The following SGCZ variants were observed in gnomAD, a reference collection of about 807,000 sequenced individuals.
SGCZ encodes the protein sarcoglycan zeta, also known as zeta-sarcoglycan.
Under a neutral mutation model 41.3 loss-of-function variants are expected in SGCZ, and 40 were observed. The ratio of observed to expected loss-of-function variants is 0.97; its 90% CI spans 0.75 to 1.26. SGCZ has a LOEUF of 1.26. Ranked by LOEUF, SGCZ falls within the 50% of genes most tolerant of loss-of-function variation. The pLI, the probability that SGCZ is intolerant of heterozygous loss-of-function variation, is 0.00. For missense variants in SGCZ, 552 were observed against 369.8 expected, an observed-to-expected ratio of 1.49 and a Z score of -4.04; for synonymous variants, 206 against 137.5, an observed-to-expected ratio of 1.50 and a Z score of -3.49.
intron 1 of SGCZ, among the ~76,000 whole-genome samples, chr8:14,640,722 T>C (rs1806996305): frequency 6.6e-6 from 1 of 151,594 alleles, no homozygotes; most frequent in African/African-American, 2.4e-5. Context: ...AAGAATTTCC[T>C]AAAGCTAAAA....
At chr8:14,963,779 T>C (rs1422205216) in intron 1 of SGCZ, among the ~76,000 whole-genome samples, 1 of 152,226 alleles carries the variant, frequency 6.6e-6, no homozygotes, top group Non-Finnish European at 1.5e-5. Context: ...TCAGCCGTAT[T>C]CAAATTTCAC....
intron 1 of SGCZ, among the ~76,000 whole-genome samples, chr8:15,035,179 G>A (rs934554969): frequency 1.6e-4 from 24 of 152,066 alleles, no homozygotes; most frequent in African/African-American, 5.8e-4. Context: ...ATAAAGAGGT[G>A]TCAACTGTGC....
At chr8:14,161,473 G>T (rs1251720167) in intron 5 of SGCZ, 1 of 152,096 alleles carries the variant, frequency 6.6e-6, no homozygotes, top group Non-Finnish European at 1.5e-5. Context: ...ATTGGATAGT[G>T]AGGACAGTTC....
chr8:14,727,288 C>G (rs1246176086), intron 1 of SGCZ, among the ~76,000 whole-genome samples: 3 of 152,078 alleles, frequency 2.0e-5, no homozygotes, highest in Admixed American at 1.3e-4. Context: ...TATTTGAATA[C>G]TGTTTAGAGG....
intron 3 of SGCZ, among the ~76,000 whole-genome samples, chr8:14,305,910 G>A (rs975566174): frequency 1.3e-5 from 2 of 152,172 alleles, no homozygotes; most frequent in South Asian, 2.1e-4. Context: ...GCCACCACGT[G>A]TTCAAGCCCG....
intron 1 of SGCZ, among the ~76,000 whole-genome samples, chr8:15,048,347 T>G (rs867073496): frequency 2.7e-4 from 41 of 151,964 alleles, no homozygotes; most frequent in African/African-American, 8.4e-4. Flanking sequence ...AAGAAGAAGA[T>G]GAAGAGAGGT....
At chr8:15,218,172 C>A (rs1335237816) in intron 1 of SGCZ, among the ~76,000 whole-genome samples, 1 of 151,878 alleles carries the variant, frequency 6.6e-6, no homozygotes, top group South Asian at 2.1e-4. Context: ...TAGTGGGTAA[C>A]TTTTTTAAGT....
intron 2 of SGCZ, among the ~76,000 whole-genome samples, chr8:14,509,696 C>G (rs531157560): frequency 6.6e-6 from 1 of 152,224 alleles, no homozygotes; most frequent in Admixed American, 6.5e-5. Context: ...TTTCACACTG[C>G]TATAAAGAAA....
chr8:15,122,128 AC>A (rs1327874050), intron 1 of SGCZ, among the ~76,000 whole-genome samples: 1 of 145,552 alleles, frequency 6.9e-6, no homozygotes, highest in East Asian at 2.0e-4. Context: ...ACACCCCCCC[AC>A]CCCTCCAACT....
intron 1 of SGCZ, among the ~76,000 whole-genome samples, chr8:14,951,795 G>A (rs546031054): frequency 3.3e-5 from 5 of 152,052 alleles, no homozygotes; most frequent in East Asian, 1.9e-4. Context: ...CAGATCAATG[G>A]CATATTATTA....
intron 1 of SGCZ, among the ~76,000 whole-genome samples, chr8:14,769,534 G>C (rs558520574): frequency 3.9e-4 from 60 of 152,196 alleles, no homozygotes; most frequent in Non-Finnish European, 5.6e-4. Flanking sequence ...GCTCACGCCT[G>C]TAATCCCAGC....
At chr8:14,413,163 G>A (rs1244621000) in intron 2 of SGCZ, among the ~76,000 whole-genome samples, 3 of 151,896 alleles carry the variant, frequency 2.0e-5, no homozygotes, top group African/African-American at 4.8e-5. Flanking sequence ...GGTAGCGTGA[G>A]ATAGTAACAC....
At chr8:15,175,575 A>G (rs1799972291) in intron 1 of SGCZ, among the ~76,000 whole-genome samples, 1 of 152,156 alleles carries the variant, frequency 6.6e-6, no homozygotes, top group African/African-American at 2.4e-5. Flanking sequence ...CAGGAACAGC[A>G]ACTAATGAAT....
chr8:15,119,263 G>A (rs1224913672), intron 1 of SGCZ, among the ~76,000 whole-genome samples: 1 of 152,088 alleles, frequency 6.6e-6, no homozygotes, highest in Non-Finnish European at 1.5e-5. Flanking sequence ...GGGTGCAGTG[G>A]CTCACTCCTG....
chr8:15,138,218 T>C (rs1808186794), intron 1 of SGCZ, among the ~76,000 whole-genome samples: 1 of 152,216 alleles, frequency 6.6e-6, no homozygotes, highest in African/African-American at 2.4e-5. Context: ...CAGGTGTGTT[T>C]ACCCAATGCC....
chr8:14,859,072 T>C (rs1002603953), intron 1 of SGCZ, among the ~76,000 whole-genome samples: 47 of 152,110 alleles, frequency 3.1e-4, no homozygotes, highest in Admixed American at 1.6e-3. Flanking sequence ...GAAAAGAAAA[T>C]AGCAACTTCA....
chr8:15,191,893 C>A (rs367582999), intron 1 of SGCZ, among the ~76,000 whole-genome samples: 17 of 151,944 alleles, frequency 1.1e-4, no homozygotes, highest in Non-Finnish European at 1.9e-4. Context: ...TATCTACCCA[C>A]GCTTAAGGGC....
chr8:14,820,331 A>C (rs1182665693), intron 1 of SGCZ, among the ~76,000 whole-genome samples: 1 of 152,054 alleles, frequency 6.6e-6, no homozygotes, highest in African/African-American at 2.4e-5. Context: ...AAATATATAT[A>C]CACCCAACAC....
intron 1 of SGCZ, among the ~76,000 whole-genome samples, chr8:14,765,573 G>C (rs1800011663): frequency 6.6e-6 from 1 of 152,112 alleles, no homozygotes; most frequent in African/African-American, 2.4e-5. Context: ...TAAGCAAACA[G>C]GATGAATATA....
Sources: gnomAD v4.1 joint callset for allele counts (sites outside exome capture counted in the v4.1 genomes callset) on GRCh38, gnomAD v4.1.1 for gene constraint, MANE v1.5 for transcripts, NCBI Gene and HGNC (gene_info 2026-07-23, HGNC 2026-07-21) for gene names.